The following KCNQ5 variants were observed in gnomAD, a reference collection of about 807,000 sequenced individuals.
The protein encoded by KCNQ5 is potassium voltage-gated channel subfamily KQT member 5.
In KCNQ5, 30 loss-of-function variants were observed where a neutral mutation model predicts 98.2. The ratio of observed to expected loss-of-function variants is 0.31; its 90% CI spans 0.23 to 0.41. KCNQ5 has a LOEUF of 0.41. Ranked by LOEUF, KCNQ5 falls within the 10% of genes least tolerant of loss-of-function variation. The pLI is 1.00. For synonymous variants in KCNQ5, 458 were observed against 449.4 expected (o/e 1.02, Z -0.24); for missense variants, 835 against 1,182.5 (o/e 0.71, Z 4.31).
At chr6:73,126,162 A>T (rs1775981490) in intron 9 of KCNQ5, among the ~76,000 whole-genome samples, 1 of 152,210 alleles carries the variant, frequency 6.6e-6, no homozygotes, top group Admixed American at 6.5e-5. Context: ...GGAGCTTTCC[A>T]TTTACTAATT....
At chr6:73,123,495 G>C (rs1032301549) in intron 8 of KCNQ5, among the ~76,000 whole-genome samples, 5 of 152,146 alleles carry the variant, frequency 3.3e-5, no homozygotes, top group Non-Finnish European at 5.9e-5. Context: ...TGGGAGGAGG[G>C]ACACTCAAAC....
At chr6:73,179,126 A>G (rs1184658013) in intron 11 of KCNQ5, among the ~76,000 whole-genome samples, 1 of 152,232 alleles carries the variant, frequency 6.6e-6, no homozygotes, top group Non-Finnish European at 1.5e-5. Flanking sequence ...AGAATTTTCC[A>G]AACTGGAAGA....
chr6:72,773,190 A>G (rs576550799), intron 1 of KCNQ5, among the ~76,000 whole-genome samples: 104 of 152,328 alleles, frequency 6.8e-4, no homozygotes, highest in Non-Finnish European at 1.2e-3. Context: ...ACATATGTTT[A>G]TTGCAGCACT....
intron 1 of KCNQ5, among the ~76,000 whole-genome samples, chr6:72,734,032 TG>T (rs1249194912): frequency 6.6e-6 from 1 of 152,168 alleles, no homozygotes; most frequent in Non-Finnish European, 1.5e-5. Flanking sequence ...CTTGTTGGTT[TG>T]GGCAATAAAG....
intron 1 of KCNQ5, among the ~76,000 whole-genome samples, chr6:72,806,406 G>A (rs890773430): frequency 6.6e-6 from 1 of 152,030 alleles, no homozygotes; most frequent in African/African-American, 2.4e-5. Flanking sequence ...GTAGGAATGG[G>A]AACCCAGTAC....
intron 9 of KCNQ5, among the ~76,000 whole-genome samples, chr6:73,128,350 A>G (rs1334081388): frequency 6.6e-6 from 1 of 152,214 alleles, no homozygotes; most frequent in African/African-American, 2.4e-5. Context: ...ATTTCATTCT[A>G]TTAAAAAATT....
chr6:72,776,282 T>C (rs1773159667), intron 1 of KCNQ5, among the ~76,000 whole-genome samples: 2 of 152,236 alleles, frequency 1.3e-5, no homozygotes, highest in Non-Finnish European at 2.9e-5. Flanking sequence ...AATAGCCATT[T>C]ATAATGTAGG....
At chr6:72,932,758 T>C (rs539373539) in intron 1 of KCNQ5, among the ~76,000 whole-genome samples, 3 of 152,332 alleles carry the variant, frequency 2.0e-5, no homozygotes, top group Admixed American at 2.0e-4. Context: ...AAAATGCATC[T>C]ATATCCTGCA....
intron 1 of KCNQ5, among the ~76,000 whole-genome samples, chr6:72,757,329 T>C (rs771341235): frequency 4.6e-5 from 7 of 152,202 alleles, no homozygotes; most frequent in Non-Finnish European, 1.0e-4. Flanking sequence ...TCAGTGTATA[T>C]CTAAGGCATC....
intron 1 of KCNQ5, among the ~76,000 whole-genome samples, chr6:72,775,420 A>G (rs1035961671): frequency 6.6e-6 from 1 of 152,212 alleles, no homozygotes; most frequent in Non-Finnish European, 1.5e-5. Context: ...TGATACAAAT[A>G]AGTGATTGAA....
At chr6:72,798,950 A>G (rs1157765914) in intron 1 of KCNQ5, among the ~76,000 whole-genome samples, 4 of 152,102 alleles carry the variant, frequency 2.6e-5, no homozygotes, top group Admixed American at 6.6e-5. Context: ...ATATTTATAT[A>G]CATATATAAG....
At position 72,638,194 on chromosome 6, in the gene KCNQ5, A is replaced by G. The variant is rs534739728; in HGVS notation, c.398+15607A>G. ...TACCAGTTTGGTTGGGCCATGCTTC[A>G]GTAGCCCATTATTCCTTTCACTCAG... On this transcript the variant is annotated intron_variant, in intron 1 of 13. Coordinates refer to ENST00000370398, the MANE Select transcript of KCNQ5 (RefSeq NM_019842.4). Among the ~76,000 whole-genome samples the G allele has an allele frequency of 2.6e-5, 4 of 152,350 alleles. No homozygotes were observed. In the South Asian group the frequency reaches 6.2e-4, roughly 24 times the overall value.
intron 1 of KCNQ5, among the ~76,000 whole-genome samples, chr6:72,763,397 C>G (rs998575884): frequency 1.1e-4 from 16 of 151,920 alleles, no homozygotes; most frequent in Non-Finnish European, 1.5e-5. Context: ...CGTCTTTCTC[C>G]CACACATAGA....
chr6:72,640,251 C>G (rs1042781675), intron 1 of KCNQ5, among the ~76,000 whole-genome samples: 2 of 151,456 alleles, frequency 1.3e-5, no homozygotes, highest in African/African-American at 4.9e-5. Context: ...TTGGGCAAAT[C>G]GTAAACCCCT....
At chr6:72,904,215 T>C (rs1421639860) in intron 1 of KCNQ5, among the ~76,000 whole-genome samples, 2 of 152,202 alleles carry the variant, frequency 1.3e-5, no homozygotes, top group African/African-American at 2.4e-5. Flanking sequence ...AATGCCTTTT[T>C]CCACCCCTTT....
intron 1 of KCNQ5, among the ~76,000 whole-genome samples, chr6:72,806,182 C>T (rs1399474868): frequency 6.6e-6 from 1 of 152,094 alleles, no homozygotes; most frequent in African/African-American, 2.4e-5. Flanking sequence ...TTCTCTTTTA[C>T]CTGGGGTGGA....
At chr6:73,062,841 C>A (rs1458149794) in intron 3 of KCNQ5, among the ~76,000 whole-genome samples, 1 of 152,236 alleles carries the variant, frequency 6.6e-6, no homozygotes, top group East Asian at 1.9e-4. Context: ...CTGCCTTTTG[C>A]AAAATGTTTT....
At chr6:73,106,102 G>T (rs1774987720) in intron 6 of KCNQ5, among the ~76,000 whole-genome samples, 1 of 151,962 alleles carries the variant, frequency 6.6e-6, no homozygotes, top group Admixed American at 6.6e-5. Context: ...GAGCAGAAGT[G>T]CTTAAGGAAA....
chr6:73,068,361 A>G (rs929984292), intron 3 of KCNQ5, among the ~76,000 whole-genome samples: 3 of 152,314 alleles, frequency 2.0e-5, no homozygotes, highest in Middle Eastern at 3.4e-3. Flanking sequence ...CTATCCTGCT[A>G]TGTAATCAGT....
Sources: allele counts gnomAD v4.1 joint callset (sites outside exome capture counted in the v4.1 genomes callset), GRCh38; gene constraint gnomAD v4.1.1; transcripts MANE v1.5; gene names NCBI Gene and HGNC (gene_info 2026-07-23, HGNC 2026-07-21).